ITGA4: variants seen among roughly 807,000 people sequenced by gnomAD.
The protein encoded by ITGA4 is integrin alpha-4.
A neutral mutation model predicts 133.6 loss-of-function variants in ITGA4; 63 were observed. That is an observed-to-expected ratio of 0.47 (90% CI 0.38 to 0.58). The LOEUF (loss-of-function observed/expected upper bound fraction) is 0.58, where lower values mean the gene tolerates loss of function less well. Among genes scored for constraint, ITGA4 ranks in the 20% least tolerant of loss-of-function variants. The pLI is 0.00. For synonymous variants in ITGA4, 483 were observed against 438.0 expected, an observed-to-expected ratio of 1.10 and a Z score of -1.28; for missense variants, 1,076 against 1,252.7, an observed-to-expected ratio of 0.86 and a Z score of 2.13.
At position 181,536,883 on chromosome 2, in the gene ITGA4, G is replaced by A. The variant is rs1687143005; in HGVS notation, c.*1356G>A. On this transcript the variant is annotated 3_prime_UTR_variant, in exon 28 of 28. Coordinates refer to ENST00000397033, the MANE Select transcript of ITGA4 (RefSeq NM_000885.6). ...GCCGAATTTTGAACATCTGTTATAG[G>A]GAGTGATCAAATTAGAAGGCAATGT... 1 of 452,676 alleles carries A rather than the reference G, an allele frequency of 2.2e-6. No homozygotes were observed. Among genetic ancestry groups the A allele is most frequent in the African/African-American group, 2.0e-5 (1 of 49,884 alleles). 28.0% of individuals were successfully genotyped at this position (452,676 alleles called of 1,614,324 possible). A position where few individuals can be genotyped will look rare whatever the true frequency, so the allele number is the denominator to read the frequency against.
intron 14 of ITGA4, 37 bp from the exon 15 acceptor site, chr2:181,498,586 G>A (rs769750809): frequency 1.5e-6 from 2 of 1,324,624 alleles, no homozygotes; most frequent in Admixed American, 1.8e-5. Context: ...ATGTATTTCA[G>A]TAATTAGATT....
At chr2:181,465,517 T>A (rs2105715690) in intron 2 of ITGA4, among the ~76,000 whole-genome samples, 1 of 152,244 alleles carries the variant, frequency 6.6e-6, no homozygotes, top group Admixed American at 6.5e-5. Flanking sequence ...GTATTTTCTG[T>A]TTACATTTTT....
In ITGA4 at chr2:181,523,801, G is replaced by A. The variant is rs1048684245; in HGVS notation, c.2169+269G>A. On this transcript the variant is annotated intron_variant, in intron 19 of 27. Coordinates refer to ENST00000397033, the MANE Select transcript of ITGA4 (RefSeq NM_000885.6). This position sits in a 1 kb window ranked among gnomAD's most constrained non-coding sequence, Gnocchi z 4.2. ...TCTGCTCCCCCTACACACCCTTCCC[G>A]AAAACCCCCACCCCCACCGCAGGTG... Among the ~76,000 whole-genome samples, 7 of 152,002 alleles carry A rather than the reference G, an allele frequency of 4.6e-5. No homozygotes were observed. Among genetic ancestry groups the A allele is most frequent in the South Asian group, 2.1e-4 (1 of 4,822 alleles).
At chr2:181,465,072 A>G (rs1407989498) in intron 2 of ITGA4, among the ~76,000 whole-genome samples, 1 of 152,132 alleles carries the variant, frequency 6.6e-6, no homozygotes, top group East Asian at 1.9e-4. Context: ...TGGATTAGAC[A>G]TGTTCTTTTG....
chr2:181,525,378 GA>G (rs1217584767), intron 21 of ITGA4, 87 bp downstream of exon 21: 11 of 674,094 alleles, frequency 1.6e-5, no homozygotes, highest in Admixed American at 8.3e-5. Context: ...CTGTATTCTA[GA>G]ATTTTTTTAA....
In ITGA4 at chr2:181,537,027, T is replaced by C; in HGVS notation, c.*1500T>C. The C allele has an allele frequency of 2.2e-6, 1 of 444,536 alleles. No individual in the cohort carries two copies. Among genetic ancestry groups the C allele is most frequent in the Non-Finnish European group, 4.5e-6 (1 of 221,852 alleles). 27.5% of individuals were successfully genotyped at this position (444,536 alleles called of 1,614,324 possible). A position where few individuals can be genotyped will look rare whatever the true frequency, so the allele number is the denominator to read the frequency against. ...AGTGATGGTGAGGAATGTTCTGAGATTTGCGAAGGCATTTGAGTAGTGAAA... is the reference window on the plus strand; with the variant it reads ...AGTGATGGTGAGGAATGTTCTGAGACTTGCGAAGGCATTTGAGTAGTGAAA... On this transcript the variant is annotated 3_prime_UTR_variant, in exon 28 of 28. Coordinates refer to ENST00000397033, the MANE Select transcript of ITGA4 (RefSeq NM_000885.6).
In ITGA4 at chr2:181,530,548, G is replaced by A. The variant is rs776285401; in HGVS notation, c.2563G>A (p.Glu855Lys). 179 of 1,612,882 alleles carry A rather than the reference G, an allele frequency of 1.1e-4. No homozygotes were observed. Among genetic ancestry groups the A allele is most frequent in the Non-Finnish European group, 1.5e-4 (177 of 1,179,224 alleles). ...VQTTTGECHF[E>K]NYQRVCALEQ... ...GACTACTACTGGAGAATGCCACTTT[G>A]AAAATTATCAAAGAGTGTGTGCATT... The change falls in exon 24 of 28, where the codon GAA (glutamate) becomes AAA (lysine). Residue 855 changes from glutamate (E) to lysine (K), a missense_variant. By Grantham distance (56) the Glu-to-Lys change is moderately conservative (BLOSUM62 1). Around this residue, in one of 4 missense-constraint regions of ITGA4, gnomAD observed 365 missense variants for 421.4 expected, o/e 0.87. Coordinates refer to ENST00000397033, the MANE Select transcript of ITGA4 (RefSeq NM_000885.6).
At chr2:181,487,793 A>G (rs920578405) in intron 10 of ITGA4, among the ~76,000 whole-genome samples, 4 of 152,194 alleles carry the variant, frequency 2.6e-5, no homozygotes, top group Non-Finnish European at 5.9e-5. Context: ...TAGCTCTACC[A>G]TCAAGTAGAA....
chr2:181,508,192 T>C (rs1260374791), intron 15 of ITGA4, among the ~76,000 whole-genome samples: 2 of 151,872 alleles, frequency 1.3e-5, no homozygotes, highest in Non-Finnish European at 2.9e-5. Context: ...CAGAAGACAA[T>C]GAATTTTAAA....
intron 15 of ITGA4, among the ~76,000 whole-genome samples, chr2:181,505,868 A>G (rs1165218718): frequency 6.6e-6 from 1 of 152,124 alleles, no homozygotes; most frequent in Non-Finnish European, 1.5e-5. Flanking sequence ...TGGAGGGACA[A>G]TCAGTGGCTG....
chr2:181,523,278 C>T lies in ITGA4; in HGVS notation c.2074-159C>T, dbSNP rs1225792972. 1 of 548,370 alleles carries T rather than the reference C, an allele frequency of 1.8e-6. No individual in the cohort carries two copies. Among genetic ancestry groups the T allele is most frequent in the Non-Finnish European group, 3.3e-6 (1 of 305,430 alleles). The allele number at this position is 548,370 out of a possible 1,614,324, so 34.0% of individuals were successfully genotyped here. On this transcript the variant is annotated intron_variant, in intron 18 of 27. Transcript: ENST00000397033. The surrounding 1 kb of genome is among the most constrained non-coding windows in gnomAD (Gnocchi z 4.2). ...TACACACATGCACACATATTTATATCATATGTCTATTTATCTCAAACATAT... is the reference window on the plus strand; with the variant it reads ...TACACACATGCACACATATTTATATTATATGTCTATTTATCTCAAACATAT...
chr2:181,515,185 G>T (rs879814313), intron 17 of ITGA4, among the ~76,000 whole-genome samples: 1 of 151,996 alleles, frequency 6.6e-6, no homozygotes, highest in African/African-American at 2.4e-5. Context: ...TTCCAGATTT[G>T]AAGTCAATCT....
intron 26 of ITGA4, 46 bp downstream of exon 26, chr2:181,534,416 C>A: frequency 8.9e-7 from 1 of 1,120,376 alleles, no homozygotes; most frequent in Non-Finnish European, 1.4e-6. Context: ...TAGGAAAACA[C>A]ATTTCAAGGG....
chr2:181,510,041 G>T (rs970297743), intron 16 of ITGA4, among the ~76,000 whole-genome samples: 1 of 151,978 alleles, frequency 6.6e-6, no homozygotes, highest in East Asian at 1.9e-4. Context: ...ATAAAATGCT[G>T]ATGTTCTATT....
intron 23 of ITGA4, 77 bp downstream of exon 23, chr2:181,529,725 C>T (rs531684067): frequency 1.5e-5 from 11 of 743,732 alleles, no homozygotes; most frequent in East Asian, 2.6e-5. Flanking sequence ...ATCCTTTATT[C>T]GAGTAATGAT....
chr2:181,485,240 A>G (rs569315562), intron 9 of ITGA4, among the ~76,000 whole-genome samples: 11 of 152,316 alleles, frequency 7.2e-5, no homozygotes, highest in African/African-American at 2.6e-4. Flanking sequence ...TAAGACTGCA[A>G]TCTGACATTT....
At chr2:181,488,578 A>G (rs1685971755) in intron 10 of ITGA4, among the ~76,000 whole-genome samples, 5 of 148,974 alleles carry the variant, frequency 3.4e-5, no homozygotes, top group Admixed American at 3.3e-4. Context: ...TTTTTTTTTG[A>G]GATGGAGTCT....
At chr2:181,527,227 A>G in intron 21 of ITGA4, 70 bp from the exon 22 acceptor site, 5 of 894,782 alleles carry the variant, frequency 5.6e-6, no homozygotes, top group South Asian at 2.9e-5. Flanking sequence ...AATCCAGACT[A>G]TAGAAAAAGA....
At position 181,537,541 on chromosome 2, in the gene ITGA4, T is replaced by C. The variant is rs1200427281; in HGVS notation, c.*2014T>C. 2 of 443,424 alleles carry C rather than the reference T, an allele frequency of 4.5e-6. No homozygotes were observed. The allele number at this position is 443,424 out of a possible 1,614,324, so 27.5% of individuals were successfully genotyped here. On this transcript the variant is annotated 3_prime_UTR_variant, in exon 28 of 28. Transcript: ENST00000397033. ...ATGTGATTTTGAAATTTAACTGCTC[T>C]GGATTAGGGAGCAGTGAATCAAGGC... is the stretch of plus-strand genomic sequence containing the variant.
Sources: allele counts gnomAD v4.1 joint callset (sites outside exome capture counted in the v4.1 genomes callset), GRCh38; gene constraint gnomAD v4.1.1; regional missense constraint gnomAD v4.1.1; non-coding constraint Gnocchi (gnomAD v3.1); transcripts MANE v1.5; gene names NCBI Gene and HGNC (gene_info 2026-07-23, HGNC 2026-07-21).